Variants in GTF2A1L observed in about 807,000 individuals in gnomAD.
GTF2A1L encodes the protein general transcription factor IIA subunit 1 like, also known as TFIIA-alpha and beta-like factor.
GTF2A1L carries 48 observed loss-of-function variants against 49.7 expected under a neutral mutation model. The ratio of observed to expected loss-of-function variants is 0.97; its 90% CI spans 0.77 to 1.23. The LOEUF (loss-of-function observed/expected upper bound fraction) is 1.23. Among genes scored for constraint, GTF2A1L ranks in the 50% most tolerant of loss-of-function variants. GTF2A1L has a pLI of 0.00. For synonymous variants in GTF2A1L, 246 were observed against 193.5 expected (o/e 1.27, Z -2.25); for missense variants, 736 against 564.8 (o/e 1.30, Z -3.07).
At chr2:48,668,667 T>C (rs1284647999) in intron 6 of GTF2A1L, 2 of 151,848 alleles carry the variant, frequency 1.3e-5, no homozygotes, top group African/African-American at 4.8e-5. Context: ...CTGTCTCTAC[T>C]AAAAATACAA....
intron 3 of GTF2A1L, among the ~76,000 whole-genome samples, chr2:48,633,902 T>TTG (rs1676731977): frequency 1.3e-5 from 2 of 152,160 alleles, no homozygotes; most frequent in Non-Finnish European, 2.9e-5. Flanking sequence ...TCTTTGTTTT[T>TTG]TATTGTTGGT....
In GTF2A1L at chr2:48,620,962, C is replaced by A; in HGVS notation, c.123+10C>A. On this transcript the variant is annotated intron_variant, in intron 2 of 8. Transcript: ENST00000403751. ...AAAAGACTTGAAGCAGGTTTGTAGC[C>A]GATACAACTTTTTCTTCCTGTCTTT... is the stretch of plus-strand genomic sequence containing the variant. 1 of 1,588,512 alleles carries A rather than the reference C, an allele frequency of 6.3e-7. No homozygotes were observed. The highest frequency in any genetic ancestry group is 2.3e-5 in the East Asian group (1 of 44,396).
Position 48,646,644 on chromosome 2 carries a change from C to G in GTF2A1L, c.580C>G (p.Leu194Val). ...AAAATCACAGAGAATTGAAACCGTG[C>G]TACAGCAACCCGCAATTCTACCTTC... ...TEKSQRIETVLQQPAILPSGP... is the reference protein window; with the variant it reads ...TEKSQRIETVVQQPAILPSGP... The change falls in exon 6 of 9, where the codon CTA (leucine) becomes GTA (valine). Residue 194 changes from leucine (L) to valine (V), a missense_variant. Leu to Val is a conservative substitution (Grantham distance 32). Transcript: ENST00000403751. The G allele has an allele frequency of 3.7e-6, 6 of 1,614,072 alleles. No individual in the cohort carries two copies. Among genetic ancestry groups the G allele is most frequent in the Non-Finnish European group, 5.1e-6 (6 of 1,179,992 alleles).
At chr2:48,618,669 A>G (rs1675798199) in intron 1 of GTF2A1L, among the ~76,000 whole-genome samples, 1 of 152,204 alleles carries the variant, frequency 6.6e-6, no homozygotes, top group African/African-American at 2.4e-5. Flanking sequence ...GTTTTATGAT[A>G]GTGCGTTTTA....
chr2:48,623,984 T>C (rs1027389027), intron 3 of GTF2A1L, among the ~76,000 whole-genome samples: 2 of 152,330 alleles, frequency 1.3e-5, no homozygotes, highest in Middle Eastern at 3.4e-3. Context: ...ACAGGATCAA[T>C]AGAAGCTTAA....
intron 3 of GTF2A1L, among the ~76,000 whole-genome samples, chr2:48,637,004 T>G (rs1676930630): frequency 6.6e-6 from 1 of 152,176 alleles, no homozygotes; most frequent in Non-Finnish European, 1.5e-5. Flanking sequence ...ATTTGAGCAT[T>G]AAAACTCCTA....
At position 48,618,154 on chromosome 2, in the gene GTF2A1L, A is replaced by G. The variant is rs1434206617; in HGVS notation, c.21+259A>G. 6.1e-6 allele frequency: 3 copies of G among 494,656 alleles called. No homozygotes were observed. In the South Asian group the frequency reaches 9.5e-5, roughly 16 times the overall value. 30.6% of individuals were successfully genotyped at this position (494,656 alleles called of 1,614,324 possible). A position where few individuals can be genotyped will look rare whatever the true frequency, so the allele number is the denominator to read the frequency against. On this transcript the variant is annotated intron_variant, in intron 1 of 8. Coordinates refer to ENST00000403751, the MANE Select transcript of GTF2A1L (RefSeq NM_006872.5). Reference sequence around the variant, plus strand: ...CTTTTTACCCAAACTGAGGCTATCTAGTTGGGGTGTTTAGAGGTGGAACTG... The same window carrying G: ...CTTTTTACCCAAACTGAGGCTATCTGGTTGGGGTGTTTAGAGGTGGAACTG...
chr2:48,668,922 G>C (rs936733759), intron 6 of GTF2A1L, among the ~76,000 whole-genome samples: 1 of 152,106 alleles, frequency 6.6e-6, no homozygotes, highest in African/African-American at 2.4e-5. Context: ...TTATTTGTTA[G>C]CTGTGCTGGA....
intron 3 of GTF2A1L, among the ~76,000 whole-genome samples, chr2:48,637,824 A>G (rs928431988): frequency 1.3e-5 from 2 of 152,018 alleles, no homozygotes; most frequent in African/African-American, 2.4e-5. Flanking sequence ...ATCAGAAACC[A>G]TCAGTCTAGC....
intron 6 of GTF2A1L, among the ~76,000 whole-genome samples, chr2:48,652,744 G>A (rs1376200488): frequency 6.6e-6 from 1 of 150,824 alleles, no homozygotes; most frequent in African/African-American, 2.4e-5. Flanking sequence ...GCCCAGACTG[G>A]AGTGCAGTGG....
chr2:48,643,693 A>ATT lies in GTF2A1L; in HGVS notation c.303+1258_303+1259dup, dbSNP rs71399070. Among the ~76,000 whole-genome samples, 647 of 120,648 alleles carry ATT rather than the reference A, an allele frequency of 5.4e-3. 2 individuals carry two copies. The highest frequency in any genetic ancestry group is 7.2e-3 in the Non-Finnish European group (416 of 57,754). The allele number at this position is 120,648 out of a possible 152,430, so 79.1% of individuals were successfully genotyped here. A position where few individuals can be genotyped will look rare whatever the true frequency, so the allele number is the denominator to read the frequency against. On this transcript the variant is annotated intron_variant, in intron 4 of 8. Transcript: ENST00000403751. ...ACCATAGCAAGACCATATTAATACA[A>ATT]TTTTTTTTTTTTTTTTTTTTTTTGA...
chr2:48,673,173 C>T (rs1679261796), intron 8 of GTF2A1L, among the ~76,000 whole-genome samples: 1 of 152,050 alleles, frequency 6.6e-6, no homozygotes, highest in Non-Finnish European at 1.5e-5. Flanking sequence ...AATGGATATA[C>T]CACATTTTCT....
At chr2:48,677,314 T>C (rs1679520175) in intron 8 of GTF2A1L, among the ~76,000 whole-genome samples, 1 of 151,974 alleles carries the variant, frequency 6.6e-6, no homozygotes, top group African/African-American at 2.4e-5. Flanking sequence ...AGGAATAGAT[T>C]GCAATTTTAG....
At chr2:48,677,665 A>G (rs969924274) in intron 8 of GTF2A1L, among the ~76,000 whole-genome samples, 1 of 152,012 alleles carries the variant, frequency 6.6e-6, no homozygotes, top group Admixed American at 6.6e-5. Flanking sequence ...GGGTGTTGTC[A>G]GGGAACAAGG....
chr2:48,652,549 A>T (rs944844327), intron 6 of GTF2A1L, among the ~76,000 whole-genome samples: 1 of 151,334 alleles, frequency 6.6e-6, no homozygotes, highest in Non-Finnish European at 1.5e-5. Flanking sequence ...TGGGAGGCGG[A>T]GGTTGCAGTG....
At chr2:48,628,404 TA>T (rs1267019868) in intron 3 of GTF2A1L, among the ~76,000 whole-genome samples, 2 of 144,326 alleles carry the variant, frequency 1.4e-5, no homozygotes, top group African/African-American at 4.9e-5. Context: ...TTTGACTTTT[TA>T]ATAATAGCCA....
At chr2:48,661,233 AC>A (rs1294644631) in intron 6 of GTF2A1L, among the ~76,000 whole-genome samples, 1 of 111,728 alleles carries the variant, frequency 9.0e-6, no homozygotes, top group East Asian at 2.6e-4. Context: ...CATTGTTTTC[AC>A]TGCATCCCCA....
intron 3 of GTF2A1L, among the ~76,000 whole-genome samples, chr2:48,631,649 G>T (rs1676584083): frequency 6.6e-6 from 1 of 151,740 alleles, no homozygotes; most frequent in Admixed American, 6.6e-5. Context: ...TGGATTTTTG[G>T]GTCTCAATTT....
At position 48,669,650 on chromosome 2, in the gene GTF2A1L, T is replaced by C. The variant is rs937024718; in HGVS notation, c.979-72T>C. On this transcript the variant is annotated intron_variant, in intron 6 of 8. Transcript: ENST00000403751. ...TGACCATTTGTGGAATGTTTGTTAATTTTAAATTTGGATTCAATATTTTAT... is the reference window on the plus strand; with the variant it reads ...TGACCATTTGTGGAATGTTTGTTAACTTTAAATTTGGATTCAATATTTTAT... The C allele has an allele frequency of 2.5e-5, 37 of 1,505,836 alleles. No homozygotes were observed. The African/African-American group carries it at 5.0e-4, about 20-fold the overall frequency. 93.3% of individuals were successfully genotyped at this position (1,505,836 alleles called of 1,614,324 possible).
Sources: gnomAD v4.1 joint callset for allele counts (sites outside exome capture counted in the v4.1 genomes callset) on GRCh38, gnomAD v4.1.1 for gene constraint, MANE v1.5 for transcripts, NCBI Gene and HGNC (gene_info 2026-07-23, HGNC 2026-07-21) for gene names.